The following C1orf21 variants were observed in gnomAD, a reference collection of about 807,000 sequenced individuals.
C1orf21 encodes the protein chromosome 1 open reading frame 21.
Under a neutral mutation model 18.7 loss-of-function variants are expected in C1orf21, and 3 were observed. The ratio of observed to expected loss-of-function variants is 0.16; its 90% CI spans 0.07 to 0.42. The LOEUF (loss-of-function observed/expected upper bound fraction) is 0.42, where lower values mean the gene tolerates loss of function less well. Ranked by LOEUF, C1orf21 falls within the 10% of genes least tolerant of loss-of-function variation. The probability of loss-of-function intolerance (pLI) is 0.99; values close to 1 mark genes in which losing one functional copy is unlikely to be tolerated. For missense variants in C1orf21, 104 were observed against 143.6 expected, an observed-to-expected ratio of 0.72 and a Z score of 1.41; for synonymous variants, 41 against 46.4, an observed-to-expected ratio of 0.88 and a Z score of 0.47.
chr1:184,443,877 G>A (rs918509920), intron 1 of C1orf21, among the ~76,000 whole-genome samples: 10 of 152,132 alleles, frequency 6.6e-5, no homozygotes, highest in Non-Finnish European at 1.2e-4. Flanking sequence ...TGTCCCTGCT[G>A]GGGAGGAGGT....
intron 3 of C1orf21, chr1:184,567,504 C>A (rs1346745034): frequency 9.3e-6 from 5 of 535,764 alleles, no homozygotes; most frequent in Admixed American, 1.9e-5. Flanking sequence ...AAGCTGAGTG[C>A]AGTGAACTCT....
At chr1:184,469,353 C>G (rs1051733797) in intron 1 of C1orf21, among the ~76,000 whole-genome samples, 1 of 152,204 alleles carries the variant, frequency 6.6e-6, no homozygotes, top group African/African-American at 2.4e-5. Context: ...TTCCTTACAT[C>G]TACCTCAGTA....
chr1:184,604,804 A>C (rs541532161), intron 5 of C1orf21, among the ~76,000 whole-genome samples: 29 of 152,366 alleles, frequency 1.9e-4, no homozygotes, highest in African/African-American at 5.8e-4. Context: ...TCTGTCAAGG[A>C]AAATGAGTCA....
At chr1:184,561,253 A>G (rs943682460) in intron 3 of C1orf21, among the ~76,000 whole-genome samples, 1 of 152,128 alleles carries the variant, frequency 6.6e-6, no homozygotes, top group African/African-American at 2.4e-5. Context: ...CTCCTCAAAG[A>G]CACTCTGGTG....
chr1:184,602,302 G>A (rs542856966), intron 5 of C1orf21, among the ~76,000 whole-genome samples: 13 of 152,164 alleles, frequency 8.5e-5, no homozygotes, highest in African/African-American at 2.9e-4. Flanking sequence ...TGCTGCGACC[G>A]GAGATGACCA....
intron 3 of C1orf21, among the ~76,000 whole-genome samples, chr1:184,541,101 A>G (rs950982465): frequency 3.9e-5 from 6 of 152,122 alleles, no homozygotes; most frequent in Non-Finnish European, 7.3e-5. Flanking sequence ...TAAACCCCAC[A>G]TAGTTGGGGG....
chr1:184,461,110 G>T (rs182470275), intron 1 of C1orf21, among the ~76,000 whole-genome samples: 1 of 152,250 alleles, frequency 6.6e-6, no homozygotes, highest in Admixed American at 6.5e-5. Context: ...GGACCCCAGA[G>T]CCTCAGCCAA....
chr1:184,392,819 CTTTTTT>C (rs397861528), intron 1 of C1orf21, among the ~76,000 whole-genome samples: 16 of 96,840 alleles, frequency 1.7e-4, no homozygotes, highest in Non-Finnish European at 2.8e-4. Context: ...GACATTCCTC[CTTTTTT>C]TTTTTTTTTT....
chr1:184,487,126 A>G (rs1327815201), intron 2 of C1orf21, among the ~76,000 whole-genome samples: 1 of 143,430 alleles, frequency 7.0e-6, no homozygotes, highest in Non-Finnish European at 1.5e-5. Context: ...CCTTGGAGTT[A>G]TTTTCTCCTG....
At chr1:184,613,957 A>G (rs1659778342) in intron 5 of C1orf21, among the ~76,000 whole-genome samples, 1 of 152,114 alleles carries the variant, frequency 6.6e-6, no homozygotes, top group South Asian at 2.1e-4. Flanking sequence ...CAGTGAGCTG[A>G]GATCATGCCA....
At chr1:184,605,104 A>T (rs1341536182) in intron 5 of C1orf21, among the ~76,000 whole-genome samples, 1 of 152,194 alleles carries the variant, frequency 6.6e-6, no homozygotes, top group Non-Finnish European at 1.5e-5. Context: ...CCAAGGTACA[A>T]CTGAGAGTAA....
intron 2 of C1orf21, among the ~76,000 whole-genome samples, chr1:184,481,084 G>A (rs1490809075): frequency 1.3e-5 from 2 of 151,956 alleles, no homozygotes; most frequent in Admixed American, 6.6e-5. Context: ...GTGAAGGGAA[G>A]GTAAAGGTTA....
intron 1 of C1orf21, among the ~76,000 whole-genome samples, chr1:184,413,695 G>T (rs1355719950): frequency 6.6e-6 from 1 of 152,178 alleles, no homozygotes; most frequent in Non-Finnish European, 1.5e-5. Context: ...AGGAAATGAA[G>T]TGACAAGACT....
At chr1:184,474,633 G>A (rs1408744681) in intron 1 of C1orf21, among the ~76,000 whole-genome samples, 1 of 152,108 alleles carries the variant, frequency 6.6e-6, no homozygotes, top group Non-Finnish European at 1.5e-5. Flanking sequence ...ATATGAAATT[G>A]GAAAAGCAAG....
At chr1:184,473,342 C>G (rs1657522226) in intron 1 of C1orf21, among the ~76,000 whole-genome samples, 1 of 152,148 alleles carries the variant, frequency 6.6e-6, no homozygotes, top group Non-Finnish European at 1.5e-5. Context: ...GTCGTGGTCT[C>G]TGCATGCTTG....
At chr1:184,438,684 C>T (rs1294306465) in intron 1 of C1orf21, among the ~76,000 whole-genome samples, 1 of 152,168 alleles carries the variant, frequency 6.6e-6, no homozygotes, top group Non-Finnish European at 1.5e-5. Context: ...GATAGATCGC[C>T]TTCCTCACTA....
chr1:184,505,744 T>C (rs1293605885), intron 2 of C1orf21, among the ~76,000 whole-genome samples: 1 of 152,000 alleles, frequency 6.6e-6, no homozygotes, highest in African/African-American at 2.4e-5. Flanking sequence ...GCCTGGGCAG[T>C]AGAATGAAAC....
At chr1:184,584,133 CTTTTTTTTTTTT>C (rs386368968) in intron 3 of C1orf21, among the ~76,000 whole-genome samples, 1 of 113,276 alleles carries the variant, frequency 8.8e-6, no homozygotes, top group South Asian at 3.2e-4. Flanking sequence ...TGTTCTTCTT[CTTTTTTTTTTTT>C]TTTTTTTTTT....
chr1:184,460,386 T>G (rs1477116258), intron 1 of C1orf21, among the ~76,000 whole-genome samples: 1 of 152,192 alleles, frequency 6.6e-6, no homozygotes, highest in Non-Finnish European at 1.5e-5. Flanking sequence ...TTGAGTTGTG[T>G]ATGTATTAAC....
Sources: gnomAD v4.1 joint callset for allele counts (sites outside exome capture counted in the v4.1 genomes callset) on GRCh38, gnomAD v4.1.1 for gene constraint, MANE v1.5 for transcripts, NCBI Gene and HGNC (gene_info 2026-07-23, HGNC 2026-07-21) for gene names.